Variants in CDK5RAP2 observed in about 807,000 individuals in gnomAD.
CDK5RAP2 encodes the protein CDK5 regulatory subunit-associated protein 2.
In CDK5RAP2, 147 loss-of-function variants were observed where a neutral mutation model predicts 232.9. The observed-to-expected ratio is 0.63, with a 90% CI of 0.55 to 0.72. The LOEUF is 0.72. Among genes scored for constraint, CDK5RAP2 ranks in the 30% least tolerant of loss-of-function variants. The probability of loss-of-function intolerance (pLI) is 0.00; values close to 1 mark genes in which losing one functional copy is unlikely to be tolerated. For synonymous variants in CDK5RAP2, 833 were observed against 833.7 expected (o/e 1.00, Z 0.01); for missense variants, 2,195 against 2,231.5 (o/e 0.98, Z 0.33).
chr9:120,567,257 A>T (rs954677433), intron 3 of CDK5RAP2, among the ~76,000 whole-genome samples: 2 of 152,376 alleles, frequency 1.3e-5, no homozygotes, highest in South Asian at 2.1e-4. Flanking sequence ...ACTTGTTTCC[A>T]TTAGAGATCT....
At chr9:120,480,343 T>A (rs1480283826) in intron 14 of CDK5RAP2, among the ~76,000 whole-genome samples, 1 of 152,174 alleles carries the variant, frequency 6.6e-6, no homozygotes, top group Non-Finnish European at 1.5e-5. Flanking sequence ...CTAACTGAAA[T>A]TTAGCATTAC....
intron 31 of CDK5RAP2, chr9:120,407,589 A>G (rs1030738516): frequency 1.4e-5 from 4 of 295,440 alleles, no homozygotes; most frequent in African/African-American, 8.6e-5. Flanking sequence ...GAGCCACACT[A>G]TATTAAAAAG....
At chr9:120,511,563 A>C (rs2131788878) in intron 12 of CDK5RAP2, among the ~76,000 whole-genome samples, 1 of 152,202 alleles carries the variant, frequency 6.6e-6, no homozygotes, top group East Asian at 1.9e-4. Context: ...CACCAGAGGC[A>C]ATTCTTTCCT....
rs757844286 is a variant in CDK5RAP2 at position 120,571,966 on chromosome 9, GTACT to G, written c.127+4_127+7del. The G allele has an allele frequency of 4.3e-5, 70 of 1,609,692 alleles. No homozygotes were observed. Among genetic ancestry groups the G allele is most frequent in the Non-Finnish European group, 5.4e-5 (64 of 1,176,040 alleles). The stretch of plus-strand genomic sequence containing the variant: ...TACTCAAGAGAATGCCTGGTTTTGT[GTACT>G]TACGACCATTTCCCAACCCAGCATT... On this transcript the variant is annotated splice_donor_5th_base_variant and intron_variant, in intron 2 of 37. Transcript: ENST00000349780.
chr9:120,436,673 G>A (rs2035601026), intron 25 of CDK5RAP2, among the ~76,000 whole-genome samples: 1 of 152,112 alleles, frequency 6.6e-6, no homozygotes. Flanking sequence ...GAGCGCGTGT[G>A]TGTACAGACA....
chr9:120,444,612 T>G (rs1165885934), intron 22 of CDK5RAP2, among the ~76,000 whole-genome samples: 1 of 152,260 alleles, frequency 6.6e-6, no homozygotes, highest in Non-Finnish European at 1.5e-5. Flanking sequence ...GCCAAAGGTC[T>G]TCTTATCTGG....
chr9:120,434,012 G>T (rs1007142412), intron 25 of CDK5RAP2, among the ~76,000 whole-genome samples: 1 of 152,156 alleles, frequency 6.6e-6, no homozygotes, highest in Non-Finnish European at 1.5e-5. Flanking sequence ...CTTTCTACAG[G>T]GAAGGCAGAA....
At chr9:120,455,531 A>G (rs932658268) in intron 20 of CDK5RAP2, among the ~76,000 whole-genome samples, 1 of 152,102 alleles carries the variant, frequency 6.6e-6, no homozygotes, top group African/African-American at 2.4e-5. Context: ...GTTTGAGCTC[A>G]CAAATTCGAG....
chr9:120,556,515 G>A (rs529538509), intron 3 of CDK5RAP2, among the ~76,000 whole-genome samples: 3 of 151,324 alleles, frequency 2.0e-5, no homozygotes, highest in South Asian at 2.1e-4. Context: ...TGCAACCTCC[G>A]CCTCCCGGGT....
chr9:120,424,284 T>C (rs918311942), intron 25 of CDK5RAP2, among the ~76,000 whole-genome samples: 2 of 152,224 alleles, frequency 1.3e-5, no homozygotes, highest in Non-Finnish European at 2.9e-5. Context: ...GCCTCTTGGT[T>C]ACATCCTGGC....
At chr9:120,473,561 T>C (rs1588431961) in intron 15 of CDK5RAP2, among the ~76,000 whole-genome samples, 1 of 152,246 alleles carries the variant, frequency 6.6e-6, no homozygotes, top group Non-Finnish European at 1.5e-5. Flanking sequence ...AACCATTATG[T>C]CTAATCTTCT....
intron 16 of CDK5RAP2, 103 bp downstream of exon 16, chr9:120,471,645 T>C (rs1588427370): frequency 3.3e-6 from 5 of 1,525,114 alleles, no homozygotes; most frequent in East Asian, 4.5e-5. Context: ...CGAAACCCCG[T>C]GTATGCTTCA....
intron 3 of CDK5RAP2, among the ~76,000 whole-genome samples, chr9:120,566,745 C>G (rs1468563657): frequency 6.6e-6 from 1 of 152,210 alleles, no homozygotes; most frequent in Non-Finnish European, 1.5e-5. Flanking sequence ...GACAAACAAG[C>G]AGCCTGGCTC....
chr9:120,439,624 C>G lies in CDK5RAP2; in HGVS notation c.3497G>C (p.Gly1166Ala). 6.2e-7 allele frequency: 1 copy of G among 1,614,180 alleles called. No homozygotes were observed. The highest frequency in any genetic ancestry group is 8.5e-7 in the Non-Finnish European group (1 of 1,180,042). ...CAAACTTGAAAAGGTCATTTCTTCC[C>G]CATCAGAACCATTCTTGGGCTTGCT... ...GLSKPKNGSDGEEMTFSSLHQ... is the reference protein window; with the variant it reads ...GLSKPKNGSDAEEMTFSSLHQ... Residue 1166 changes from glycine to alanine, a missense_variant, in exon 24 of 38, where the codon GGG (glycine) becomes GCG (alanine). Physicochemically the swap from Gly to Ala is moderately conservative, Grantham distance 60 (BLOSUM62 0). Transcript: ENST00000349780.
intron 12 of CDK5RAP2, among the ~76,000 whole-genome samples, chr9:120,511,892 C>T (rs2040108132): frequency 6.6e-6 from 1 of 152,074 alleles, no homozygotes; most frequent in African/African-American, 2.4e-5. Context: ...TGTCTGCCAC[C>T]ACACCCAGCT....
At chr9:120,577,088 G>T (rs1339037297) in intron 1 of CDK5RAP2, among the ~76,000 whole-genome samples, 1 of 152,038 alleles carries the variant, frequency 6.6e-6, no homozygotes, top group Admixed American at 6.6e-5. Context: ...CAGGCTGGGC[G>T]CAATGGCACA....
In CDK5RAP2 at chr9:120,437,509, C is replaced by T; in HGVS notation, c.3741G>A (p.Gln1247=). 1 of 1,613,354 alleles carries T rather than the reference C, an allele frequency of 6.2e-7. No individual in the cohort carries two copies. The highest frequency in any genetic ancestry group is 8.5e-7 in the Non-Finnish European group (1 of 1,179,332). The change falls in exon 25 of 38, where the codon CAG becomes CAA. Residue 1247 remains glutamine (Q), a synonymous_variant. Transcript: ENST00000349780. ...GAAGGGAGAGCTCCCTGGCTTGGGA[C>T]TGAACTAATGAATCGTATCTGATAA... ...LSPPRYDSLV[Q]SQARELSLQR...
intron 27 of CDK5RAP2, among the ~76,000 whole-genome samples, chr9:120,419,186 G>A (rs796264488): frequency 4.0e-4 from 61 of 152,290 alleles, no homozygotes; most frequent in African/African-American, 1.2e-3. Context: ...TCACCATGCT[G>A]GCTCTACCCT....
intron 18 of CDK5RAP2, among the ~76,000 whole-genome samples, chr9:120,463,467 G>A (rs186535895): frequency 5.4e-4 from 82 of 152,218 alleles, no homozygotes; most frequent in African/African-American, 1.9e-3. Context: ...CTTCTGCAAG[G>A]GGTCTATTCT....
Sources: gnomAD v4.1 joint callset for allele counts (sites outside exome capture counted in the v4.1 genomes callset) on GRCh38, gnomAD v4.1.1 for gene constraint, MANE v1.5 for transcripts, NCBI Gene and HGNC (gene_info 2026-07-23, HGNC 2026-07-21) for gene names.